The following NUP133 variants were observed in gnomAD, a reference collection of about 807,000 sequenced individuals.
The protein encoded by NUP133 is nuclear pore complex protein Nup133.
Under a neutral mutation model 146.2 loss-of-function variants are expected in NUP133, and 66 were observed. The ratio of observed to expected loss-of-function variants is 0.45; its 90% CI spans 0.37 to 0.55. NUP133 has a LOEUF of 0.55. NUP133 is among the 20% of genes least tolerant of loss of function. NUP133 has a pLI of 0.00. For synonymous variants in NUP133, 521 were observed against 498.8 expected, an observed-to-expected ratio of 1.04 and a Z score of -0.59; for missense variants, 1,277 against 1,374.8, an observed-to-expected ratio of 0.93 and a Z score of 1.12.
intron 12 of NUP133, 64 bp downstream of exon 12, chr1:229,483,990 G>T: frequency 8.8e-7 from 1 of 1,142,322 alleles, no homozygotes; most frequent in Non-Finnish European, 1.3e-6. Context: ...TCAATAAGTA[G>T]CACATGTCAG....
At chr1:229,469,827 T>C (rs933989034) in intron 15 of NUP133, among the ~76,000 whole-genome samples, 1 of 152,226 alleles carries the variant, frequency 6.6e-6, no homozygotes, top group Admixed American at 6.5e-5. Context: ...CAAGAGTAGA[T>C]CTGCCTGGCC....
intron 6 of NUP133, among the ~76,000 whole-genome samples, chr1:229,496,718 G>A (rs182034504): frequency 1.3e-5 from 2 of 152,308 alleles, no homozygotes; most frequent in South Asian, 2.1e-4. Flanking sequence ...GTGGTGGCTC[G>A]TGCTTGTAAT....
chr1:229,499,742 G>A lies in NUP133; in HGVS notation c.590C>T (p.Thr197Ile), dbSNP rs1661749802. Residue 197 changes from threonine (T) to isoleucine (I), a missense_variant, in exon 5 of 26, where the codon ACA becomes ATA. By Grantham distance (89) the Thr-to-Ile change is moderately conservative (BLOSUM62 -1). Coordinates refer to ENST00000261396, the MANE Select transcript of NUP133 (RefSeq NM_018230.3). ...WPSLAGEDTY[T>I]EAFVDSGGDK... ...ACCTCCCGAATCTACAAAAGCCTCT[G>A]TGTAGGTATCTTCACCAGCAAGGCT... The A allele has an allele frequency of 6.2e-7, 1 of 1,613,988 alleles. No homozygotes were observed. Among genetic ancestry groups the A allele is most frequent in the Non-Finnish European group, 8.5e-7 (1 of 1,179,954 alleles).
At chr1:229,501,236 C>A (rs1254962575) in intron 3 of NUP133, among the ~76,000 whole-genome samples, 1 of 152,156 alleles carries the variant, frequency 6.6e-6, no homozygotes, top group East Asian at 1.9e-4. Context: ...ATTAGCATGA[C>A]CAAAGAGTAA....
intron 9 of NUP133, among the ~76,000 whole-genome samples, chr1:229,489,087 A>G (rs1414852112): frequency 2.0e-5 from 3 of 152,204 alleles, no homozygotes; most frequent in East Asian, 1.9e-4. Flanking sequence ...GGATTTTTCT[A>G]TAGTATACAA....
intron 12 of NUP133, among the ~76,000 whole-genome samples, chr1:229,482,026 G>A (rs1008709647): frequency 2.6e-5 from 4 of 152,134 alleles, no homozygotes; most frequent in Non-Finnish European, 5.9e-5. Flanking sequence ...CCACAAATGT[G>A]ACAGAATTTT....
At chr1:229,456,609 C>A (rs956556001) in intron 21 of NUP133, among the ~76,000 whole-genome samples, 4 of 152,060 alleles carry the variant, frequency 2.6e-5, no homozygotes, top group African/African-American at 9.7e-5. Flanking sequence ...GCCCTCACTT[C>A]TTTTACTGGA....
At chr1:229,492,748 T>C (rs1363546993) in intron 8 of NUP133, among the ~76,000 whole-genome samples, 7 of 152,034 alleles carry the variant, frequency 4.6e-5, no homozygotes, top group African/African-American at 1.4e-4. Flanking sequence ...ATAATGGATT[T>C]TGGGGACCTG....
At chr1:229,456,859 G>C (rs1006501545) in intron 21 of NUP133, among the ~76,000 whole-genome samples, 2 of 117,298 alleles carry the variant, frequency 1.7e-5, no homozygotes, top group Admixed American at 1.9e-4. Context: ...GCAGAGTTTT[G>C]CTCTGTTGCC....
intron 12 of NUP133, among the ~76,000 whole-genome samples, chr1:229,482,675 C>A (rs1009307526): frequency 6.6e-6 from 1 of 152,148 alleles, no homozygotes; most frequent in Non-Finnish European, 1.5e-5. Context: ...CAAGTGAGGA[C>A]AATCACTCCC....
Position 229,504,143 on chromosome 1 carries a change from AT to A in NUP133, c.301+1896del, listed in dbSNP as rs368669653. Among the ~76,000 whole-genome samples, 592 of 149,336 alleles carry A rather than the reference AT, an allele frequency of 4.0e-3. 4 individuals carry two copies. The highest frequency in any genetic ancestry group is 0.013 in the African/African-American group (533 of 40,820). On this transcript the variant is annotated intron_variant, in intron 2 of 25. Transcript: ENST00000261396. ...TCTTCTAAAACAGAGTAATTTCAGC[AT>A]TTTTTTTTTACTGTTATTAAGTTAT...
chr1:229,449,021 A>G, intron 24 of NUP133, 105 bp downstream of exon 24: 1 of 863,956 alleles, frequency 1.2e-6, no homozygotes, highest in Non-Finnish European at 1.9e-6. Flanking sequence ...GGGAAATCCC[A>G]ACACGTCTGG....
At chr1:229,483,385 G>A (rs924936588) in intron 12 of NUP133, among the ~76,000 whole-genome samples, 3 of 152,092 alleles carry the variant, frequency 2.0e-5, no homozygotes, top group African/African-American at 2.4e-5. Context: ...ACAGGTGTGA[G>A]CCACCACACC....
intron 21 of NUP133, among the ~76,000 whole-genome samples, chr1:229,457,332 C>CT (rs1660592558): frequency 6.6e-6 from 1 of 152,076 alleles, no homozygotes; most frequent in Non-Finnish European, 1.5e-5. Context: ...TCTTCACTGT[C>CT]TTTCTATATT....
chr1:229,448,365 T>G (rs1660361286), intron 24 of NUP133, among the ~76,000 whole-genome samples: 1 of 151,890 alleles, frequency 6.6e-6, no homozygotes, highest in South Asian at 2.1e-4. Flanking sequence ...GAGGCAGAGG[T>G]TGCAGTGAGT....
In NUP133 at chr1:229,479,328, T is replaced by C. The variant is rs77124747; in HGVS notation, c.1593-1568A>G. 2.5e-3 allele frequency among the ~76,000 whole-genome samples: 378 copies of C among 152,314 alleles called. 8 individuals are homozygous for C. In the East Asian group the frequency reaches 0.059, roughly 24 times the overall value. ...CGCATTTGGTTGAAAACAGCCTGCATATTATGTAGACCCACACAGTTCAAA... is the reference window on the plus strand; with the variant it reads ...CGCATTTGGTTGAAAACAGCCTGCACATTATGTAGACCCACACAGTTCAAA... On this transcript the variant is annotated intron_variant, in intron 12 of 25. Coordinates refer to ENST00000261396, the MANE Select transcript of NUP133 (RefSeq NM_018230.3).
At position 229,477,885 on chromosome 1, in the gene NUP133, A is replaced by G. The variant is rs566998592; in HGVS notation, c.1593-125T>C. The G allele has an allele frequency of 3.6e-4, 241 of 660,946 alleles. No individual in the cohort carries two copies. In the African/African-American group the frequency reaches 4.0e-3, roughly 11 times the overall value. The allele number at this position is 660,946 out of a possible 1,614,324, so 40.9% of individuals were successfully genotyped here. A position where few individuals can be genotyped will look rare whatever the true frequency, so the allele number is the denominator to read the frequency against. ...AGAATGCGATCCTGTCATTCGCAACAGTAGGGATGGAACTGGAGGACATGT... is the reference window on the plus strand; with the variant it reads ...AGAATGCGATCCTGTCATTCGCAACGGTAGGGATGGAACTGGAGGACATGT... On this transcript the variant is annotated intron_variant, in intron 12 of 25. Transcript: ENST00000261396.
At chr1:229,461,437 C>T (rs1660687763) in intron 19 of NUP133, among the ~76,000 whole-genome samples, 1 of 152,196 alleles carries the variant, frequency 6.6e-6, no homozygotes, top group African/African-American at 2.4e-5. Context: ...ACTTCTGACA[C>T]CAGAAATGAA....
intron 21 of NUP133, among the ~76,000 whole-genome samples, chr1:229,453,773 C>T (rs773095587): frequency 2.0e-5 from 3 of 152,136 alleles, no homozygotes; most frequent in African/African-American, 7.2e-5. Flanking sequence ...TTTACATTTG[C>T]CTCCACTGTG....
Sources: allele counts gnomAD v4.1 joint callset (sites outside exome capture counted in the v4.1 genomes callset), GRCh38; gene constraint gnomAD v4.1.1; transcripts MANE v1.5; gene names NCBI Gene and HGNC (gene_info 2026-07-23, HGNC 2026-07-21).